TTC28: variants seen among roughly 807,000 people sequenced by gnomAD.
TTC28 encodes the protein tetratricopeptide repeat protein 28.
Under a neutral mutation model 198.0 loss-of-function variants are expected in TTC28, and 61 were observed. The observed-to-expected ratio is 0.31, with a 90% CI of 0.25 to 0.38. TTC28 has a LOEUF of 0.38. Among genes scored for constraint, TTC28 ranks in the 10% least tolerant of loss-of-function variants. The pLI, the probability that TTC28 is intolerant of heterozygous loss-of-function variation, is 1.00. For missense variants in TTC28, 2,678 were observed against 3,164.0 expected, an observed-to-expected ratio of 0.85 and a Z score of 3.69; for synonymous variants, 1,171 against 1,297.8, an observed-to-expected ratio of 0.90 and a Z score of 2.10.
At chr22:28,091,486 T>C (rs9625403) in intron 12 of TTC28, among the ~76,000 whole-genome samples, 10,491 of 152,084 alleles carry the variant, frequency 0.069, 407 homozygotes, top group South Asian at 0.089. Flanking sequence ...GCAGGTGTCA[T>C]ACACCCAAGT....
At chr22:28,064,389 T>G (rs182277964) in intron 12 of TTC28, among the ~76,000 whole-genome samples, 1 of 152,232 alleles carries the variant, frequency 6.6e-6, no homozygotes, top group East Asian at 1.9e-4. Flanking sequence ...ACCTCTCTGA[T>G]TCTGTGTTTC....
At chr22:28,223,093 G>A (rs914515469) in intron 5 of TTC28, among the ~76,000 whole-genome samples, 10 of 152,142 alleles carry the variant, frequency 6.6e-5, no homozygotes, top group African/African-American at 1.9e-4. Context: ...CTGTCCAGAC[G>A]CTCTCAGCAT....
chr22:28,427,139 A>C (rs1314137165), intron 2 of TTC28, among the ~76,000 whole-genome samples: 4 of 152,224 alleles, frequency 2.6e-5, no homozygotes, highest in Non-Finnish European at 5.9e-5. Flanking sequence ...CCACTTAACA[A>C]TATTGTCATG....
At chr22:28,202,034 G>A (rs1476996300) in intron 5 of TTC28, among the ~76,000 whole-genome samples, 2 of 152,004 alleles carry the variant, frequency 1.3e-5, no homozygotes, top group African/African-American at 4.8e-5. Context: ...AACAATCTTA[G>A]GAAGTAGTCT....
At chr22:28,061,353 C>G (rs986471100) in intron 12 of TTC28, among the ~76,000 whole-genome samples, 1 of 152,152 alleles carries the variant, frequency 6.6e-6, no homozygotes, top group African/African-American at 2.4e-5. Flanking sequence ...GGTTTTAGGT[C>G]TAACACTTAA....
intron 2 of TTC28, among the ~76,000 whole-genome samples, chr22:28,357,810 C>G (rs931508905): frequency 1.3e-5 from 2 of 152,140 alleles, no homozygotes; most frequent in African/African-American, 4.8e-5. Flanking sequence ...CCCCTAATCA[C>G]CAGGGGTGAG....
chr22:28,112,176 AC>A (rs1942500768), intron 6 of TTC28, among the ~76,000 whole-genome samples: 2 of 152,206 alleles, frequency 1.3e-5, no homozygotes, highest in South Asian at 4.1e-4. Context: ...AGCTTGAGAA[AC>A]ATAATAGTAT....
At chr22:28,052,158 G>A (rs977391234) in intron 12 of TTC28, among the ~76,000 whole-genome samples, 1 of 152,108 alleles carries the variant, frequency 6.6e-6, no homozygotes, top group African/African-American at 2.4e-5. Flanking sequence ...TATTTGTTAA[G>A]TCTTTAACAA....
At chr22:28,574,861 T>G (rs1312777215) in intron 2 of TTC28, among the ~76,000 whole-genome samples, 1 of 152,226 alleles carries the variant, frequency 6.6e-6, no homozygotes, top group East Asian at 1.9e-4. Flanking sequence ...TTGCCCATTT[T>G]TAATTCAGAT....
intron 2 of TTC28, among the ~76,000 whole-genome samples, chr22:28,583,970 TTC>T (rs1200465098): frequency 1.3e-5 from 2 of 151,318 alleles, no homozygotes; most frequent in Non-Finnish European, 2.9e-5. Context: ...ATGTATTATT[TTC>T]TCTCTTTCTC....
At chr22:28,403,716 T>C (rs748613555) in intron 2 of TTC28, among the ~76,000 whole-genome samples, 1 of 152,186 alleles carries the variant, frequency 6.6e-6, no homozygotes, top group Non-Finnish European at 1.5e-5. Context: ...CAAATGCCCA[T>C]TTTGTCTGCT....
chr22:28,576,532 T>G (rs1029435774), intron 2 of TTC28, among the ~76,000 whole-genome samples: 1 of 152,160 alleles, frequency 6.6e-6, no homozygotes, highest in Non-Finnish European at 1.5e-5. Flanking sequence ...TCCTCCTCTA[T>G]TTTTCAAAAT....
intron 5 of TTC28, among the ~76,000 whole-genome samples, chr22:28,189,039 G>A (rs1232305736): frequency 3.9e-5 from 6 of 151,988 alleles, no homozygotes; most frequent in Admixed American, 2.0e-4. Flanking sequence ...GAAGAAAAAA[G>A]ACCTTCAAAA....
At chr22:28,332,448 T>C (rs907478437) in intron 2 of TTC28, among the ~76,000 whole-genome samples, 1 of 152,008 alleles carries the variant, frequency 6.6e-6, no homozygotes, top group African/African-American at 2.4e-5. Context: ...AGCTCACAGA[T>C]GACTATATTT....
chr22:28,571,553 G>T (rs1422290043), intron 2 of TTC28, among the ~76,000 whole-genome samples: 1 of 152,204 alleles, frequency 6.6e-6, no homozygotes, highest in Non-Finnish European at 1.5e-5. Context: ...TGACAAGAAT[G>T]TACAGCAATA....
intron 2 of TTC28, among the ~76,000 whole-genome samples, chr22:28,344,819 C>T (rs959833885): frequency 2.6e-5 from 4 of 152,110 alleles, no homozygotes; most frequent in African/African-American, 7.2e-5. Context: ...TTAAATCATT[C>T]TTTGATTAAT....
chr22:28,318,074 T>A (rs1274667074), intron 2 of TTC28, among the ~76,000 whole-genome samples: 1 of 79,690 alleles, frequency 1.3e-5, no homozygotes, highest in Non-Finnish European at 3.2e-5. Context: ...AGCTAATTAA[T>A]TTTTTTTTTT....
At chr22:28,354,301 T>G (rs554663486) in intron 2 of TTC28, among the ~76,000 whole-genome samples, 1 of 152,076 alleles carries the variant, frequency 6.6e-6, no homozygotes, top group Non-Finnish European at 1.5e-5. Flanking sequence ...AATACATAGA[T>G]GAATACAATG....
At position 28,611,621 on chromosome 22, in the gene TTC28, T is replaced by C. The variant is rs2050821430; in HGVS notation, c.381+17931A>G. ...GCGCTGCACCCACTAACATGTCATC[T>C]AGCATTAGGTATATCTCCCAATGCT... On this transcript the variant is annotated intron_variant, in intron 2 of 22. Coordinates refer to ENST00000397906, the MANE Select transcript of TTC28 (RefSeq NM_001145418.2). 2.0e-5 allele frequency among the ~76,000 whole-genome samples: 3 copies of C among 148,916 alleles called. No individual in the cohort carries two copies. In the South Asian group the frequency reaches 6.7e-4, roughly 33 times the overall value.
Sources: allele counts gnomAD v4.1 joint callset (sites outside exome capture counted in the v4.1 genomes callset), GRCh38; gene constraint gnomAD v4.1.1; transcripts MANE v1.5; gene names NCBI Gene and HGNC (gene_info 2026-07-23, HGNC 2026-07-21).